CCDC149: variants seen among roughly 807,000 people sequenced by gnomAD.
CCDC149 encodes the protein coiled-coil domain containing 149, also known as coiled-coil domain-containing protein 149.
In CCDC149, 45 loss-of-function variants were observed where a neutral mutation model predicts 59.9. The observed-to-expected ratio is 0.75, with a 90% CI of 0.59 to 0.96. The LOEUF is 0.96. Among genes scored for constraint, CCDC149 ranks in the 40% least tolerant of loss-of-function variants. CCDC149 has a pLI of 0.00. For missense variants in CCDC149, 584 were observed against 664.7 expected (o/e 0.88, Z 1.33); for synonymous variants, 245 against 260.6 (o/e 0.94, Z 0.58).
intron 3 of CCDC149, among the ~76,000 whole-genome samples, chr4:24,856,090 T>C (rs1363962092): frequency 6.6e-6 from 1 of 152,216 alleles, no homozygotes; most frequent in African/African-American, 2.4e-5. Flanking sequence ...GTTACCTCCC[T>C]CAACTGTGCC....
At chr4:24,850,018 G>A (rs973268880) in intron 4 of CCDC149, among the ~76,000 whole-genome samples, 3 of 152,220 alleles carry the variant, frequency 2.0e-5, no homozygotes, top group African/African-American at 4.8e-5. Flanking sequence ...TCCCCCCTCT[G>A]TTGGGACAGT....
At chr4:24,965,430 G>A (rs1369990199) in intron 1 of CCDC149, among the ~76,000 whole-genome samples, 1 of 144,056 alleles carries the variant, frequency 6.9e-6, no homozygotes, top group Non-Finnish European at 1.5e-5. Context: ...AAAGATTCAA[G>A]TCATGCCAAA....
chr4:24,943,852 A>T (rs1417533832), intron 1 of CCDC149, among the ~76,000 whole-genome samples: 1 of 152,182 alleles, frequency 6.6e-6, no homozygotes, highest in Non-Finnish European at 1.5e-5. Flanking sequence ...GCAAATCAAA[A>T]CCACAATGAG....
intron 4 of CCDC149, among the ~76,000 whole-genome samples, chr4:24,848,059 T>C (rs895518924): frequency 2.0e-5 from 3 of 152,062 alleles, no homozygotes; most frequent in Non-Finnish European, 4.4e-5. Flanking sequence ...AAATAAAAAA[T>C]TCATAAGATT....
intron 1 of CCDC149, among the ~76,000 whole-genome samples, chr4:24,940,076 T>G (rs991055248): frequency 1.3e-5 from 2 of 151,278 alleles, no homozygotes; most frequent in African/African-American, 4.9e-5. Context: ...GAAGAGCAAC[T>G]CCAAGACACA....
At chr4:24,853,256 G>T in intron 3 of CCDC149, 77 bp from the exon 4 acceptor site, 2 of 1,080,016 alleles carry the variant, frequency 1.9e-6, no homozygotes, top group Non-Finnish European at 2.8e-6. Flanking sequence ...TGGGCTTGTG[G>T]ATGCTGGTGT....
At chr4:24,844,298 GATCT>G (rs1717125960) in intron 4 of CCDC149, among the ~76,000 whole-genome samples, 1 of 152,206 alleles carries the variant, frequency 6.6e-6, no homozygotes, top group African/African-American at 2.4e-5. Flanking sequence ...ATGCTTCTTA[GATCT>G]ATTAAATAGG....
At chr4:24,831,102 A>G (rs16876189) in intron 9 of CCDC149, 15,744 of 158,106 alleles carry the variant, frequency 0.1, 891 homozygotes, top group African/African-American at 0.16. Flanking sequence ...GTGGAAGTTG[A>G]TGCTTGGGTG....
At chr4:24,959,237 G>A (rs574953771) in intron 1 of CCDC149, among the ~76,000 whole-genome samples, 5 of 152,258 alleles carry the variant, frequency 3.3e-5, no homozygotes, top group African/African-American at 1.2e-4. Flanking sequence ...GCCTCCCAAA[G>A]TGCTGGGATT....
In CCDC149 at chr4:24,941,279, C is replaced by A. The variant is rs1437230862; in HGVS notation, c.-65+38790G>T. Among the ~76,000 whole-genome samples the A allele has an allele frequency of 2.6e-5, 4 of 152,310 alleles. No homozygotes were observed. In the South Asian group the frequency reaches 8.3e-4, roughly 32 times the overall value. The stretch of plus-strand genomic sequence containing the variant: ...GCTCAACTACATGGAAACTGAACAA[C>A]CTGCTCCTGAATGACTACTGGGTAC... On this transcript the variant is annotated intron_variant, in intron 1 of 12. Transcript: ENST00000389609.
At chr4:24,857,541 T>C (rs1280026629) in intron 3 of CCDC149, among the ~76,000 whole-genome samples, 2 of 152,088 alleles carry the variant, frequency 1.3e-5, no homozygotes, top group Admixed American at 1.3e-4. Context: ...CAAATGGTTT[T>C]CCTAGGGATA....
intron 1 of CCDC149, among the ~76,000 whole-genome samples, chr4:24,963,959 C>A (rs1168996254): frequency 6.6e-6 from 1 of 152,106 alleles, no homozygotes; most frequent in Non-Finnish European, 1.5e-5. Flanking sequence ...CTTTGGGAGG[C>A]CAAGGCAGGA....
chr4:24,960,775 C>A (rs1350327918), intron 1 of CCDC149, among the ~76,000 whole-genome samples: 1 of 152,084 alleles, frequency 6.6e-6, no homozygotes, highest in Non-Finnish European at 1.5e-5. Flanking sequence ...GATGGGATTG[C>A]AAGGAGAAAT....
At chr4:24,962,842 C>T (rs1038190783) in intron 1 of CCDC149, among the ~76,000 whole-genome samples, 3 of 150,942 alleles carry the variant, frequency 2.0e-5, no homozygotes, top group African/African-American at 7.3e-5. Flanking sequence ...ATGCAACAAA[C>T]CTGCATGTTG....
chr4:24,856,268 C>G (rs1718002090), intron 3 of CCDC149, among the ~76,000 whole-genome samples: 1 of 152,188 alleles, frequency 6.6e-6, no homozygotes, highest in African/African-American at 2.4e-5. Context: ...ATCTGCCTGG[C>G]ACTGTTTTAG....
chr4:24,893,000 T>A (rs1720614972), intron 1 of CCDC149, among the ~76,000 whole-genome samples: 1 of 152,172 alleles, frequency 6.6e-6, no homozygotes, highest in Non-Finnish European at 1.5e-5. Context: ...ATCGCCCTCA[T>A]TAACAAACCT....
intron 2 of CCDC149, among the ~76,000 whole-genome samples, chr4:24,874,275 G>GTTTTT (rs869276822): frequency 8.9e-5 from 3 of 33,844 alleles, no homozygotes; most frequent in African/African-American, 2.2e-4. Flanking sequence ...GTTTTTTTTT[G>GTTTTT]TTTTTTTGCC....
chr4:24,961,479 C>CA (rs1465773038), intron 1 of CCDC149, among the ~76,000 whole-genome samples: 3 of 152,058 alleles, frequency 2.0e-5, no homozygotes, highest in Admixed American at 6.5e-5. Flanking sequence ...CATATGGACC[C>CA]AAAAAAGAGC....
chr4:24,916,824 G>GACA (rs2109334119), upstream of CCDC149, among the ~76,000 whole-genome samples: 1 of 148,408 alleles, frequency 6.7e-6, no homozygotes, highest in African/African-American at 2.5e-5. Context: ...GTGTGTGTGT[G>GACA]TACATATATT....
Sources: gnomAD v4.1 joint callset for allele counts (sites outside exome capture counted in the v4.1 genomes callset) on GRCh38, gnomAD v4.1.1 for gene constraint, MANE v1.5 for transcripts, NCBI Gene and HGNC (gene_info 2026-07-23, HGNC 2026-07-21) for gene names.